PPARA: variants seen among roughly 807,000 people sequenced by gnomAD.
The protein encoded by PPARA is peroxisome proliferator-activated receptor alpha.
A neutral mutation model predicts 42.2 loss-of-function variants in PPARA; 22 were observed. The observed-to-expected ratio is 0.52, with a 90% CI of 0.37 to 0.74. The LOEUF is 0.74. PPARA is among the 30% of genes least tolerant of loss of function. The pLI is 0.00. For synonymous variants in PPARA, 242 were observed against 239.3 expected (o/e 1.01, Z -0.10); for missense variants, 465 against 608.2 (o/e 0.76, Z 2.48).
intron 4 of PPARA, among the ~76,000 whole-genome samples, chr22:46,207,677 A>ATTTTTTTT (rs764662561): frequency 5.9e-5 from 3 of 50,724 alleles, no homozygotes; most frequent in Admixed American, 3.6e-4. Flanking sequence ...TATTATTATT[A>ATTTTTTTT]TTTTTTTTTT....
At position 46,240,589 on chromosome 22, in the gene PPARA, T is replaced by C; in HGVS notation, c.*5209T>C. 1 of 204,548 alleles carries C rather than the reference T, an allele frequency of 4.9e-6. No individual in the cohort carries two copies. The highest frequency in any genetic ancestry group is 9.7e-6 in the Non-Finnish European group (1 of 102,862). The allele number at this position is 204,548 out of a possible 1,614,324, so 12.7% of individuals were successfully genotyped here. A position where few individuals can be genotyped will look rare whatever the true frequency, so the allele number is the denominator to read the frequency against. On this transcript the variant is annotated 3_prime_UTR_variant, in exon 9 of 9. Coordinates refer to ENST00000407236, the MANE Select transcript of PPARA (RefSeq NM_005036.6). This position sits in a 1 kb window ranked among gnomAD's most constrained non-coding sequence, Gnocchi z 6.0. ...CAGGAGAGGCAAGAAAATTATGCTGTCCATAGAAGTCACCCATGAAGACTG... is the reference window on the plus strand; with the variant it reads ...CAGGAGAGGCAAGAAAATTATGCTGCCCATAGAAGTCACCCATGAAGACTG...
intron 4 of PPARA, among the ~76,000 whole-genome samples, chr22:46,209,477 C>T (rs1308294712): frequency 6.6e-6 from 1 of 152,096 alleles, no homozygotes; most frequent in Admixed American, 6.6e-5. Flanking sequence ...GTTGTCATTA[C>T]AGTTCACTAA....
chr22:46,170,212 G>A (rs376379877), intron 2 of PPARA, among the ~76,000 whole-genome samples: 32 of 150,792 alleles, frequency 2.1e-4, no homozygotes, highest in African/African-American at 7.1e-4. Flanking sequence ...TACTTAAAAT[G>A]ATGTAAGTGT....
chr22:46,177,050 A>G (rs578180574), intron 3 of PPARA, among the ~76,000 whole-genome samples: 1 of 152,214 alleles, frequency 6.6e-6, no homozygotes, highest in South Asian at 2.1e-4. Context: ...CTCTACTACA[A>G]ATACAAAAAA....
rs1400085579 is a variant in PPARA, at chr22:46,167,747, A to G, written c.-126-9006A>G. Among the ~76,000 whole-genome samples the G allele has an allele frequency of 6.6e-6, 1 of 152,212 alleles. No individual in the cohort carries two copies. Among genetic ancestry groups the G allele is most frequent in the Admixed American group, 6.5e-5 (1 of 15,276 alleles). On this transcript the variant is annotated intron_variant, in intron 2 of 8. Transcript: ENST00000407236. The surrounding 1 kb of genome is among the most constrained non-coding windows in gnomAD (Gnocchi z 4.1). Reference sequence around the variant, plus strand: ...GCAAAGATTCCTTGAACATGATTTAAAAAGCATTAACTAGGCCAGGTATGC... The same window carrying G: ...GCAAAGATTCCTTGAACATGATTTAGAAAGCATTAACTAGGCCAGGTATGC...
At position 46,198,565 on chromosome 22, in the gene PPARA, C is replaced by T. The variant is rs1033942526; in HGVS notation, c.182C>T (p.Pro61Leu). The change falls in exon 4 of 9, where the codon CCT becomes CTT. Residue 61 changes from proline (P) to leucine (L), a missense_variant. Transcript: ENST00000407236. Reference sequence around the variant, plus strand: ...GAATACCAGTATTTAGGAAGCTGTCCTGGCTCAGATGGCTCGGTCATCACG... The same window carrying T: ...GAATACCAGTATTTAGGAAGCTGTCTTGGCTCAGATGGCTCGGTCATCACG... ...FTEYQYLGSC[P>L]GSDGSVITDT... is the part of the protein sequence containing the mutation. 6.2e-7 allele frequency: 1 copy of T among 1,613,880 alleles called. No homozygotes were observed. The highest frequency in any genetic ancestry group is 8.5e-7 in the Non-Finnish European group (1 of 1,179,942).
At position 46,240,126 on chromosome 22, in the gene PPARA, C is replaced by T. The variant is rs1379402532; in HGVS notation, c.*4746C>T. 2 of 398,800 alleles carry T rather than the reference C, an allele frequency of 5.0e-6. No homozygotes were observed. Among genetic ancestry groups the T allele is most frequent in the Non-Finnish European group, 8.8e-6 (2 of 226,200 alleles). The allele number at this position is 398,800 out of a possible 1,614,324, so 24.7% of individuals were successfully genotyped here. ...CCTTCAACAGCTGGTACCTCTTCAA[C>T]AGTGTGGCCTTTCAAAATGCAGATG... On this transcript the variant is annotated 3_prime_UTR_variant, in exon 9 of 9. Coordinates refer to ENST00000407236, the MANE Select transcript of PPARA (RefSeq NM_005036.6). This position sits in a 1 kb window ranked among gnomAD's most constrained non-coding sequence, Gnocchi z 6.0.
chr22:46,151,127 C>G (rs1373838677), intron 1 of PPARA: 1 of 151,482 alleles, frequency 6.6e-6, no homozygotes, highest in East Asian at 1.9e-4. Flanking sequence ...TCCGAGACCT[C>G]CAGGGATCTC....
chr22:46,207,647 ATT>A (rs1569227989), intron 4 of PPARA, among the ~76,000 whole-genome samples: 2 of 77,698 alleles, frequency 2.6e-5, no homozygotes, highest in East Asian at 6.7e-4. Flanking sequence ...TAATTAATTT[ATT>A]ATTATTATTA....
At chr22:46,178,708 C>T (rs989626711) in intron 3 of PPARA, among the ~76,000 whole-genome samples, 2 of 152,108 alleles carry the variant, frequency 1.3e-5, no homozygotes, top group African/African-American at 4.8e-5. Context: ...AGGAACAGTG[C>T]CCAGTACTTG....
intron 4 of PPARA, 41 bp downstream of exon 4, chr22:46,198,632 T>C (rs769044654): frequency 3.8e-6 from 6 of 1,582,646 alleles, no homozygotes; most frequent in Non-Finnish European, 4.3e-6. Context: ...TTAGAAATGT[T>C]TCTTCCTCCA....
chr22:46,215,011 G>C (rs1343271536), intron 4 of PPARA, among the ~76,000 whole-genome samples, 162 bp from the exon 5 acceptor site: 3 of 152,150 alleles, frequency 2.0e-5, no homozygotes, highest in Non-Finnish European at 2.9e-5. Context: ...AGGAGTGCAA[G>C]AGGGTGTGAC....
chr22:46,197,381 C>T (rs1932394298), intron 3 of PPARA, among the ~76,000 whole-genome samples: 1 of 152,154 alleles, frequency 6.6e-6, no homozygotes, highest in African/African-American at 2.4e-5. Context: ...GCTGTGTCCC[C>T]AGCACCTCAA....
intron 2 of PPARA, among the ~76,000 whole-genome samples, chr22:46,159,434 A>G (rs1329277401): frequency 1.3e-5 from 2 of 152,114 alleles, no homozygotes; most frequent in African/African-American, 4.8e-5. Flanking sequence ...CACTTTGACA[A>G]CTGTTACAGA....
rs1366098986 is a variant in PPARA, at chr22:46,171,023, C to G, written c.-126-5730C>G. 6.6e-6 allele frequency among the ~76,000 whole-genome samples: 1 copy of G among 151,898 alleles called. No individual in the cohort carries two copies. The highest frequency in any genetic ancestry group is 6.6e-5 in the Admixed American group (1 of 15,240). On this transcript the variant is annotated intron_variant, in intron 2 of 8. Transcript: ENST00000407236. This position sits in a 1 kb window ranked among gnomAD's most constrained non-coding sequence, Gnocchi z 5.0. ...TAAAAATACAAAAATTAGCCAGGCA[C>G]AATGGCAGGTACCTGTAATCCCAGC...
At chr22:46,199,521 G>A (rs531694932) in intron 4 of PPARA, among the ~76,000 whole-genome samples, 4 of 152,164 alleles carry the variant, frequency 2.6e-5, no homozygotes, top group African/African-American at 9.6e-5. Flanking sequence ...GTGCATGCAT[G>A]TGGTCCTAGC....
rs1240772516 is a variant in PPARA, at chr22:46,231,220, A to ATTT, written c.712-558_712-556dup. 4.4e-4 allele frequency among the ~76,000 whole-genome samples: 57 copies of ATTT among 129,958 alleles called. No individual in the cohort carries two copies. The highest frequency in any genetic ancestry group is 1.3e-3 in the African/African-American group (46 of 34,574). The allele number at this position is 129,958 out of a possible 152,430, so 85.3% of individuals were successfully genotyped here. On this transcript the variant is annotated intron_variant, in intron 7 of 8. Coordinates refer to ENST00000407236, the MANE Select transcript of PPARA (RefSeq NM_005036.6). The surrounding 1 kb of genome is among the most constrained non-coding windows in gnomAD (Gnocchi z 7.7). ...TACAGGCACACACTATGCCTGGCTA[A>ATTT]TTTTTTTTTTTTTTTTGAGACGGAG...
intron 4 of PPARA, among the ~76,000 whole-genome samples, chr22:46,214,193 G>C (rs1569234049): frequency 6.6e-6 from 1 of 152,210 alleles, no homozygotes; most frequent in Non-Finnish European, 1.5e-5. Flanking sequence ...CTGTCAGTGC[G>C]GGGGCATGGG....
At position 46,193,822 on chromosome 22, in the gene PPARA, G is replaced by A. The variant is rs1931868876; in HGVS notation, c.-42-4520G>A. On this transcript the variant is annotated intron_variant, in intron 3 of 8. Coordinates refer to ENST00000407236, the MANE Select transcript of PPARA (RefSeq NM_005036.6). This position sits in a 1 kb window ranked among gnomAD's most constrained non-coding sequence, Gnocchi z 5.3. ...GAAACTGAAGATCTAATTCAGTGCTGTTTGCATTGTCTTGCCTCCTGGACC... is the reference window on the plus strand; with the variant it reads ...GAAACTGAAGATCTAATTCAGTGCTATTTGCATTGTCTTGCCTCCTGGACC... 6.6e-6 allele frequency among the ~76,000 whole-genome samples: 1 copy of A among 152,204 alleles called. No homozygotes were observed. The highest frequency in any genetic ancestry group is 6.5e-5 in the Admixed American group (1 of 15,276).
Sources: gnomAD v4.1 joint callset for allele counts (sites outside exome capture counted in the v4.1 genomes callset) on GRCh38, gnomAD v4.1.1 for gene constraint, Gnocchi (gnomAD v3.1) non-coding constraint, MANE v1.5 for transcripts, NCBI Gene and HGNC (gene_info 2026-07-23, HGNC 2026-07-21) for gene names.